The following C7orf78 variants were observed in gnomAD, a reference collection of about 807,000 sequenced individuals.
C7orf78 encodes the protein putative uncharacterized protein C7orf78.
chr7:12,501,720 G>A, the C7orf78 span, among the ~76,000 whole-genome samples: 1 of 149,778 alleles, frequency 6.7e-6, no homozygotes, highest in Non-Finnish European at 1.5e-5. Flanking sequence ...TCACAGAATT[G>A]GAAAAAACTA....
chr7:12,512,700 C>G, the C7orf78 span, among the ~76,000 whole-genome samples: 2 of 152,040 alleles, frequency 1.3e-5, no homozygotes, highest in Non-Finnish European at 2.9e-5. Flanking sequence ...TAATGCTGAT[C>G]TTGTAGAATG....
the C7orf78 span, among the ~76,000 whole-genome samples, chr7:12,516,110 A>G: frequency 6.6e-6 from 1 of 152,202 alleles, no homozygotes; most frequent in African/African-American, 2.4e-5. Context: ...AGACCCTCCC[A>G]TCACAGGCCC....
At chr7:12,505,554 T>G in the C7orf78 span, among the ~76,000 whole-genome samples, 3 of 152,144 alleles carry the variant, frequency 2.0e-5, no homozygotes. Flanking sequence ...CTATCTTAGG[T>G]GGAGAATAAC....
the C7orf78 span, among the ~76,000 whole-genome samples, chr7:12,508,775 GTCAGATCAGT>G: frequency 2.0e-5 from 3 of 152,148 alleles, no homozygotes; most frequent in Non-Finnish European, 4.4e-5. Context: ...TCTGCTTCCT[GTCAGATCAGT>G]GGTGGCATTA....
the C7orf78 span, among the ~76,000 whole-genome samples, chr7:12,523,706 C>T: frequency 6.6e-6 from 1 of 151,996 alleles, no homozygotes; most frequent in African/African-American, 2.4e-5. Flanking sequence ...TTCAAGAGAA[C>T]AGGTTGGGTT....
the C7orf78 span, among the ~76,000 whole-genome samples, chr7:12,489,992 A>G: frequency 6.6e-6 from 1 of 152,016 alleles, no homozygotes. Context: ...CATTTTTGAA[A>G]TTTTCCATAC....
chr7:12,526,239 G>A, the C7orf78 span, among the ~76,000 whole-genome samples: 1 of 151,926 alleles, frequency 6.6e-6, no homozygotes, highest in Non-Finnish European at 1.5e-5. Flanking sequence ...TCTATCTATT[G>A]GTTTCCTTAT....
At chr7:12,531,876 G>A in the C7orf78 span, among the ~76,000 whole-genome samples, 16 of 152,072 alleles carry the variant, frequency 1.1e-4, no homozygotes, top group African/African-American at 3.4e-4. Flanking sequence ...GAGAAACATC[G>A]GAAAAAGGGG....
the C7orf78 span, chr7:12,523,068 G>T: frequency 5.0e-6 from 2 of 398,204 alleles, no homozygotes; most frequent in Non-Finnish European, 8.9e-6. Context: ...TATCCTTCAC[G>T]ACAGGATCTC....
At chr7:12,516,230 G>T in the C7orf78 span, among the ~76,000 whole-genome samples, 148 of 152,338 alleles carry the variant, frequency 9.7e-4, no homozygotes, top group Non-Finnish European at 1.4e-3. Context: ...TGGCTGTAAG[G>T]GGCCAATGTA....
the C7orf78 span, among the ~76,000 whole-genome samples, chr7:12,502,601 G>A: frequency 6.6e-6 from 1 of 151,672 alleles, no homozygotes; most frequent in East Asian, 1.9e-4. Context: ...TGGAGAGGAT[G>A]TGGAGAAATA....
chr7:12,522,092 T>C, the C7orf78 span, among the ~76,000 whole-genome samples: 1 of 152,122 alleles, frequency 6.6e-6, no homozygotes, highest in Non-Finnish European at 1.5e-5. Context: ...CTTGCAACTT[T>C]AGCATATTGA....
the C7orf78 span, among the ~76,000 whole-genome samples, chr7:12,531,424 A>C: frequency 1.3e-5 from 2 of 152,102 alleles, no homozygotes; most frequent in African/African-American, 4.8e-5. Flanking sequence ...TTGGGCTTTG[A>C]GTTTGGTGAA....
the C7orf78 span, among the ~76,000 whole-genome samples, chr7:12,510,915 G>C: frequency 6.6e-6 from 1 of 151,974 alleles, no homozygotes; most frequent in South Asian, 2.1e-4. Flanking sequence ...GTCTATTTTT[G>C]TTTTTGTTAG....
chr7:12,495,291 C>G, the C7orf78 span, among the ~76,000 whole-genome samples: 7 of 152,188 alleles, frequency 4.6e-5, no homozygotes, highest in African/African-American at 1.7e-4. Flanking sequence ...CACAAAGTGG[C>G]TGTTTTGCAC....
the C7orf78 span, among the ~76,000 whole-genome samples, chr7:12,518,056 T>C: frequency 6.6e-6 from 1 of 152,214 alleles, no homozygotes; most frequent in African/African-American, 2.4e-5. Context: ...AATTTATCTA[T>C]GATGTTTGTT....
the C7orf78 span, among the ~76,000 whole-genome samples, chr7:12,501,792 G>T: frequency 7.1e-6 from 1 of 140,482 alleles, no homozygotes; most frequent in Non-Finnish European, 1.5e-5. Flanking sequence ...TAAGCCAAAA[G>T]AACAAAGCTG....
At chr7:12,500,982 C>T in the C7orf78 span, among the ~76,000 whole-genome samples, 1 of 151,572 alleles carries the variant, frequency 6.6e-6, no homozygotes, top group Non-Finnish European at 1.5e-5. Context: ...ACAAAAACCA[C>T]ATGGTTATCT....
the C7orf78 span, among the ~76,000 whole-genome samples, chr7:12,518,079 C>A: frequency 6.6e-6 from 1 of 152,112 alleles, no homozygotes; most frequent in African/African-American, 2.4e-5. Flanking sequence ...GGCCATTTGG[C>A]TTTGATTCTG....
Sources: gnomAD v4.1 joint callset for allele counts (sites outside exome capture counted in the v4.1 genomes callset) on GRCh38, gnomAD v4.1.1 for gene constraint, MANE v1.5 for transcripts, NCBI Gene and HGNC (gene_info 2026-07-23, HGNC 2026-07-21) for gene names.